VRTN: variants seen among roughly 807,000 people sequenced by gnomAD.
The protein encoded by VRTN is vertnin.
Under a neutral mutation model 18.2 loss-of-function variants are expected in VRTN, and 5 were observed. That is an observed-to-expected ratio of 0.27 (90% CI 0.14 to 0.58). VRTN has a LOEUF of 0.58. Ranked by LOEUF, VRTN falls within the 20% of genes least tolerant of loss-of-function variation. The pLI is 0.91. For missense variants in VRTN, 741 were observed against 939.4 expected (o/e 0.79, Z 2.76); for synonymous variants, 381 against 393.7 (o/e 0.97, Z 0.38).
At chr14:74,324,495 T>C (rs1371048760) in intron 1 of VRTN, among the ~76,000 whole-genome samples, 1 of 151,752 alleles carries the variant, frequency 6.6e-6, no homozygotes, top group African/African-American at 2.4e-5. Context: ...CAGAAATACA[T>C]CTTATGGCCA....
intron 1 of VRTN, among the ~76,000 whole-genome samples, chr14:74,330,417 AG>A (rs1168549103): frequency 6.6e-6 from 1 of 151,428 alleles, no homozygotes; most frequent in Non-Finnish European, 1.5e-5. Context: ...AGTTAGTTGA[AG>A]TATAGCCCTT....
chr14:74,317,872 T>A (rs2085427672), intron 1 of VRTN, among the ~76,000 whole-genome samples: 1 of 152,150 alleles, frequency 6.6e-6, no homozygotes, highest in South Asian at 2.1e-4. Context: ...ATGCCTGTAA[T>A]CCCAGCGCTT....
chr14:74,338,413 T>G (rs2085579168), intron 2 of VRTN, among the ~76,000 whole-genome samples: 1 of 152,224 alleles, frequency 6.6e-6, no homozygotes, highest in Non-Finnish European at 1.5e-5. Flanking sequence ...TAGCAAGTCA[T>G]GGTAGCTCTC....
chr14:74,357,325 CTG>C lies in VRTN; in HGVS notation c.544_545del (p.Val182ProfsTer67). On this transcript the variant is annotated frameshift_variant, in exon 2 of 2. Coordinates refer to ENST00000256362, the MANE Select transcript of VRTN (RefSeq NM_018228.3). LOFTEE classifies it high-confidence loss of function. This position sits in a 1 kb window ranked among gnomAD's most constrained non-coding sequence, Gnocchi z 7.8. ...GTGTGGCACTTGTATGCTCTCGCCT[CTG>C]TCCTCCAGCGGAACATCTACTCCAT... is the stretch of plus-strand genomic sequence containing the variant. 1 of 1,614,090 alleles carries C rather than the reference CTG, an allele frequency of 6.2e-7. No homozygotes were observed. The highest frequency in any genetic ancestry group is 1.1e-5 in the South Asian group (1 of 91,078).
rs571537535 is a variant in VRTN, at chr14:74,352,821, A to G, written c.-1-3962A>G. ...CTCTGAGAACAAGTTTAATTTGAGA[A>G]CATGATCTGAGAAACCAGAAAGGAT... is the stretch of plus-strand genomic sequence containing the variant. On this transcript the variant is annotated intron_variant, in intron 1 of 1. Coordinates refer to ENST00000256362, the MANE Select transcript of VRTN (RefSeq NM_018228.3). Among the ~76,000 whole-genome samples, 4 of 152,374 alleles carry G rather than the reference A, an allele frequency of 2.6e-5. No individual in the cohort carries two copies. In the South Asian group the frequency reaches 8.3e-4, roughly 32 times the overall value.
intron 1 of VRTN, among the ~76,000 whole-genome samples, chr14:74,329,383 G>A (rs2085507552): frequency 6.6e-6 from 1 of 152,130 alleles, no homozygotes; most frequent in Non-Finnish European, 1.5e-5. Flanking sequence ...TGAGTAGCTG[G>A]GACTACAGGC....
chr14:74,320,232 A>G (rs2085444339), intron 1 of VRTN, among the ~76,000 whole-genome samples: 1 of 145,702 alleles, frequency 6.9e-6, no homozygotes, highest in Non-Finnish European at 1.5e-5. Context: ...CCTGGGTGAC[A>G]GAGCAAGATC....
intron 1 of VRTN, among the ~76,000 whole-genome samples, chr14:74,310,414 A>AAAG (rs2085380241): frequency 6.6e-6 from 1 of 151,616 alleles, no homozygotes; most frequent in Non-Finnish European, 1.5e-5. Context: ...AAAAAAAAAA[A>AAAG]AAGGAGAAGT....
chr14:74,358,478 G>A lies in VRTN; in HGVS notation c.1695G>A (p.Leu565=). 2 of 1,614,178 alleles carry A rather than the reference G, an allele frequency of 1.2e-6. No homozygotes were observed. The highest frequency in any genetic ancestry group is 8.5e-7 in the Non-Finnish European group (1 of 1,180,012). Residue 565 remains leucine (L), a synonymous_variant, in exon 2 of 2, where the codon TTG becomes TTA. Transcript: ENST00000256362. The surrounding 1 kb of genome is among the most constrained non-coding windows in gnomAD (Gnocchi z 5.4). ...LSKLQVPVPT[L]GKGGQEAEEK... is the part of the protein sequence containing the mutation. ...AACTTCAGGTGCCGGTCCCCACCTT[G>A]GGCAAAGGGGGGCAGGAGGCTGAGG...
intron 1 of VRTN, among the ~76,000 whole-genome samples, chr14:74,304,971 C>G (rs956769143): frequency 6.6e-6 from 1 of 152,098 alleles, no homozygotes; most frequent in African/African-American, 2.4e-5. Context: ...TCAAAAATGT[C>G]CTAGTTTGGT....
chr14:74,345,543 G>A (rs1035490058), upstream of VRTN, among the ~76,000 whole-genome samples: 2 of 150,788 alleles, frequency 1.3e-5, no homozygotes, highest in Admixed American at 6.6e-5. Flanking sequence ...GTAGAGACAA[G>A]GTTTCACCAT....
upstream of VRTN, among the ~76,000 whole-genome samples, chr14:74,345,303 C>T (rs551241635): frequency 7.2e-5 from 11 of 151,792 alleles, no homozygotes; most frequent in South Asian, 2.3e-3. Flanking sequence ...CCTTGGCCTC[C>T]CAACGTGCTG....
upstream of VRTN, among the ~76,000 whole-genome samples, chr14:74,344,557 C>A (rs535232606): frequency 6.6e-6 from 1 of 150,960 alleles, no homozygotes; most frequent in East Asian, 1.9e-4. Context: ...CATGGTAAAA[C>A]CCTGTCTCTA....
chr14:74,335,347 C>T (rs2085556800), intron 1 of VRTN, among the ~76,000 whole-genome samples: 1 of 152,126 alleles, frequency 6.6e-6, no homozygotes, highest in Non-Finnish European at 1.5e-5. Context: ...AGTGGGGATC[C>T]AAAGCATGAC....
chr14:74,308,222 C>T (rs1424635642), intron 1 of VRTN, among the ~76,000 whole-genome samples: 2 of 152,064 alleles, frequency 1.3e-5, no homozygotes, highest in East Asian at 3.9e-4. Flanking sequence ...CAAGACCAGC[C>T]TGGGCAACAT....
At chr14:74,354,682 T>C (rs10149824) in intron 1 of VRTN, among the ~76,000 whole-genome samples, 99,440 of 151,502 alleles carry the variant, frequency 0.66, 33,703 homozygotes, top group African/African-American at 0.84. Flanking sequence ...GGATTACAGG[T>C]GTGAGCCACC....
Position 74,359,108 on chromosome 14 carries a change from A to G in VRTN, c.*216A>G. 1 of 882,554 alleles carries G rather than the reference A, an allele frequency of 1.1e-6. No homozygotes were observed. The highest frequency in any genetic ancestry group is 1.6e-6 in the Non-Finnish European group (1 of 637,204). 54.7% of individuals were successfully genotyped at this position (882,554 alleles called of 1,614,324 possible). A position where few individuals can be genotyped will look rare whatever the true frequency, so the allele number is the denominator to read the frequency against. ...CCCGTAGGAAACTGTGGGACCAGAG[A>G]TATCCTCTTTCGTTGTTTGCTGGTC... On this transcript the variant is annotated 3_prime_UTR_variant, in exon 2 of 2. Transcript: ENST00000256362.
rs1406314819 is a variant in VRTN at position 74,358,718 on chromosome 14, G to A, written c.1935G>A (p.Met645Ile). Residue 645 changes from methionine to isoleucine, a missense_variant, in exon 2 of 2, where the codon ATG becomes ATA. By Grantham distance (10) the Met-to-Ile change is conservative. Around this residue, in one of 3 missense-constraint regions of VRTN, gnomAD observed 61 missense variants for 104.6 expected, o/e 0.58. Transcript: ENST00000256362. The surrounding 1 kb of genome is among the most constrained non-coding windows in gnomAD (Gnocchi z 5.4). The part of the protein sequence containing the change: ...GRDGRMLVMD[M>I]IATTKFKAQA... ...ATGGCCGGATGCTGGTGATGGACAT[G>A]ATCGCTACCACGAAGTTCAAGGCCC... 3.1e-6 allele frequency: 5 copies of A among 1,614,078 alleles called. No homozygotes were observed. Among genetic ancestry groups the A allele is most frequent in the African/African-American group, 1.3e-5 (1 of 74,960 alleles).
chr14:74,339,873 G>A (rs573858246), intron 2 of VRTN, among the ~76,000 whole-genome samples: 1 of 152,086 alleles, frequency 6.6e-6, no homozygotes, highest in East Asian at 1.9e-4. Flanking sequence ...AGCAGTAATT[G>A]GATTTAAGGC....
Sources: gnomAD v4.1 joint callset for allele counts (sites outside exome capture counted in the v4.1 genomes callset) on GRCh38, gnomAD v4.1.1 for gene constraint, gnomAD v4.1.1 regional missense constraint, Gnocchi (gnomAD v3.1) non-coding constraint, MANE v1.5 for transcripts, NCBI Gene and HGNC (gene_info 2026-07-23, HGNC 2026-07-21) for gene names.